Variants in ZNF488 observed in about 807,000 individuals in gnomAD.
The protein encoded by ZNF488 is zinc finger protein 488.
A neutral mutation model predicts 1.2 loss-of-function variants in ZNF488; 1 was observed. That is an observed-to-expected ratio of 0.86 (90% confidence interval 0.30 to 4.07). ZNF488 has a LOEUF of 4.07. Among genes scored for constraint, ZNF488 ranks in the 30% most tolerant of loss-of-function variants. The pLI is 0.18. For synonymous variants in ZNF488, 185 were observed against 190.1 expected (o/e 0.97, Z 0.22); for missense variants, 450 against 437.9 (o/e 1.03, Z -0.25).
chr10:47,383,646 C>G (rs1306633561), intron 1 of ZNF488, among the ~76,000 whole-genome samples: 1 of 152,078 alleles, frequency 6.6e-6, no homozygotes, highest in Non-Finnish European at 1.5e-5. Flanking sequence ...GTTTTGTTTC[C>G]CAGGAAAGGC....
In ZNF488 at chr10:47,377,671, T is replaced by TCTCACA. The variant is rs1555214622; in HGVS notation, c.-109+6548_-109+6549insTGTGAG. ...CACCCAGAGGAGCCAGCAATAACAATCACACACACACACACACACACACAC... is the reference window on the plus strand; with the variant it reads ...CACCCAGAGGAGCCAGCAATAACAATCTCACACACACACACACACACACACACACAC... On this transcript the variant is annotated intron_variant, in intron 1 of 1. Transcript: ENST00000585316. Among the ~76,000 whole-genome samples, 196 of 105,032 alleles carry TCTCACA rather than the reference T, an allele frequency of 1.9e-3. 5 individuals are homozygous for TCTCACA. The highest frequency in any genetic ancestry group is 1.2e-3 in the Non-Finnish European group (57 of 49,322). The allele number at this position is 105,032 out of a possible 152,430, so 68.9% of individuals were successfully genotyped here.
chr10:47,367,778 C>T lies in ZNF488; in HGVS notation c.*29G>A, dbSNP rs782135301. The T allele has an allele frequency of 9.5e-6, 15 of 1,582,670 alleles. No homozygotes were observed. The highest frequency in any genetic ancestry group is 1.7e-4 in the Middle Eastern group (1 of 5,898). ...CCCCTCTGCCAAAGGCTGGCTGCTG[C>T]ACCCAGCAGGTCATTCTGCGGTCAC... On this transcript the variant is annotated 3_prime_UTR_variant, in exon 2 of 2. Coordinates refer to ENST00000585316, the MANE Select transcript of ZNF488 (RefSeq NM_153034.4).
In ZNF488 at chr10:47,373,847, C is replaced by T. The variant is rs151238818; in HGVS notation, c.-108-4910G>A. On this transcript the variant is annotated intron_variant, in intron 1 of 1. Transcript: ENST00000585316. The stretch of plus-strand genomic sequence containing the variant: ...AACTGAATAAACGCAGGCAGCATGG[C>T]GAGGAAGGACGGCCCAGCAGGCCTT... Among the ~76,000 whole-genome samples, 534 of 152,292 alleles carry T rather than the reference C, an allele frequency of 3.5e-3. 4 individuals carry two copies. Among genetic ancestry groups the T allele is most frequent in the African/African-American group, 0.012 (505 of 41,546 alleles).
chr10:47,373,485 T>G (rs976003884), intron 1 of ZNF488, among the ~76,000 whole-genome samples: 11 of 152,210 alleles, frequency 7.2e-5, no homozygotes, highest in African/African-American at 2.7e-4. Context: ...AGTTGTGTAA[T>G]GCAACTTCTC....
intron 1 of ZNF488, among the ~76,000 whole-genome samples, chr10:47,378,559 C>T (rs1837784292): frequency 6.6e-6 from 1 of 152,178 alleles, no homozygotes; most frequent in African/African-American, 2.4e-5. Context: ...ATAGCCTGGG[C>T]CAAATCAGCT....
chr10:47,367,676 C>T lies in ZNF488; in HGVS notation c.*131G>A. The T allele has an allele frequency of 9.9e-7, 1 of 1,006,722 alleles. No homozygotes were observed. The highest frequency in any genetic ancestry group is 1.5e-6 in the Non-Finnish European group (1 of 686,428). The allele number at this position is 1,006,722 out of a possible 1,614,324, so 62.4% of individuals were successfully genotyped here. On this transcript the variant is annotated 3_prime_UTR_variant, in exon 2 of 2. Transcript: ENST00000585316. The stretch of plus-strand genomic sequence containing the variant: ...GTGGCTTTTTCAAATTATGCCTGAG[C>T]TGTTTATCTATGAATGCCAAAAGCA...
intron 1 of ZNF488, among the ~76,000 whole-genome samples, chr10:47,382,392 C>A (rs1257110318): frequency 7.9e-6 from 1 of 127,364 alleles, no homozygotes; most frequent in African/African-American, 3.0e-5. Flanking sequence ...GAGGCACAGA[C>A]CACTAATGAG....
chr10:47,369,072 C>T (rs1317179843), intron 1 of ZNF488, 135 bp from the exon 2 acceptor site: 8 of 526,460 alleles, frequency 1.5e-5, no homozygotes, highest in Non-Finnish European at 2.3e-5. Context: ...GCTGACTGCA[C>T]CACCTCTCAG....
At chr10:47,377,166 A>G (rs898170931) in intron 1 of ZNF488, among the ~76,000 whole-genome samples, 5 of 152,154 alleles carry the variant, frequency 3.3e-5, no homozygotes, top group African/African-American at 1.2e-4. Context: ...AGGTTTTTAA[A>G]CCAGCTGACA....
intron 1 of ZNF488, among the ~76,000 whole-genome samples, chr10:47,374,887 C>A (rs868992303): frequency 6.6e-6 from 1 of 152,332 alleles, no homozygotes. Flanking sequence ...GTGTCAAAGG[C>A]CTGCACCCTG....
At chr10:47,382,926 G>A (rs1838033266) in intron 1 of ZNF488, among the ~76,000 whole-genome samples, 1 of 151,844 alleles carries the variant, frequency 6.6e-6, no homozygotes, top group Admixed American at 6.6e-5. Flanking sequence ...AACAAACAAG[G>A]GCTCTTTTAT....
At position 47,370,962 on chromosome 10, in the gene ZNF488, G is replaced by A. The variant is rs147971094; in HGVS notation, c.-108-2025C>T. On this transcript the variant is annotated intron_variant, in intron 1 of 1. Transcript: ENST00000585316. ...GCAGCATGCGGGCCCTGTGCGAGGC[G>A]CGGTAGTGACAGTGGTGATGAGGCA... 1.9e-4 allele frequency among the ~76,000 whole-genome samples: 29 copies of A among 152,322 alleles called. 1 individual carries two copies. Among genetic ancestry groups the A allele is most frequent in the East Asian group, 3.9e-4 (2 of 5,186 alleles).
chr10:47,367,061 G>A lies in ZNF488; in HGVS notation c.*746C>T, dbSNP rs1298464060. On this transcript the variant is annotated 3_prime_UTR_variant, in exon 2 of 2. Transcript: ENST00000585316. Reference sequence around the variant, plus strand: ...CAATGTGACCCAAGCAGAGGCTTGAGGTGTGCTTGTTAGACTCACCCTCCT... The same window carrying A: ...CAATGTGACCCAAGCAGAGGCTTGAAGTGTGCTTGTTAGACTCACCCTCCT... 2 of 167,042 alleles carry A rather than the reference G, an allele frequency of 1.2e-5. No homozygotes were observed. The highest frequency in any genetic ancestry group is 2.9e-5 in the Non-Finnish European group (2 of 68,166). The allele number at this position is 167,042 out of a possible 1,614,324, so 10.3% of individuals were successfully genotyped here. A position where few individuals can be genotyped will look rare whatever the true frequency, so the allele number is the denominator to read the frequency against.
chr10:47,371,406 AC>A (rs1555213844), intron 1 of ZNF488, among the ~76,000 whole-genome samples: 1 of 152,210 alleles, frequency 6.6e-6, no homozygotes, highest in Non-Finnish European at 1.5e-5. Flanking sequence ...AAGAAAACAT[AC>A]CAAAGCAATA....
intron 1 of ZNF488, among the ~76,000 whole-genome samples, chr10:47,377,321 G>C (rs1226914621): frequency 1.3e-5 from 2 of 152,144 alleles, no homozygotes; most frequent in Middle Eastern, 3.2e-3. Flanking sequence ...TCTCTGAATA[G>C]CTCAATCCCG....
In ZNF488 at chr10:47,366,661, T is replaced by C. The variant is rs190250158; in HGVS notation, c.*1146A>G. On this transcript the variant is annotated 3_prime_UTR_variant, in exon 2 of 2. Coordinates refer to ENST00000585316, the MANE Select transcript of ZNF488 (RefSeq NM_153034.4). ...AGTACAGCCTGGGCTCCACACATCCTTAGGAACAAGGGCTGATGCGGGTAC... is the reference window on the plus strand; with the variant it reads ...AGTACAGCCTGGGCTCCACACATCCCTAGGAACAAGGGCTGATGCGGGTAC... 1.2e-5 allele frequency: 2 copies of C among 167,178 alleles called. No homozygotes were observed. The highest frequency in any genetic ancestry group is 4.8e-5 in the African/African-American group (2 of 41,558). The allele number at this position is 167,178 out of a possible 1,614,324, so 10.4% of individuals were successfully genotyped here.
chr10:47,368,354 T>C lies in ZNF488; in HGVS notation c.476A>G (p.Gln159Arg). Residue 159 changes from glutamine to arginine, a missense_variant, in exon 2 of 2, where the codon CAA (glutamine) becomes CGA (arginine). Transcript: ENST00000585316. Reference sequence around the variant, plus strand: ...GGTTGGTTTGCTAAAGGCGCTTCTTTGCTCACTTCGTGCTCCGCTGGGCCA... The same window carrying C: ...GGTTGGTTTGCTAAAGGCGCTTCTTCGCTCACTTCGTGCTCCGCTGGGCCA... ...SVWPSGARSEQRSAFSKPTKR... is the reference protein window; with the variant it reads ...SVWPSGARSERRSAFSKPTKR... 6.2e-7 allele frequency: 1 copy of C among 1,614,202 alleles called. No homozygotes were observed. The highest frequency in any genetic ancestry group is 8.5e-7 in the Non-Finnish European group (1 of 1,180,042).
At chr10:47,383,369 G>A (rs1186380383) in intron 1 of ZNF488, among the ~76,000 whole-genome samples, 1 of 152,094 alleles carries the variant, frequency 6.6e-6, no homozygotes, top group Non-Finnish European at 1.5e-5. Flanking sequence ...CAAAGCCCTG[G>A]CCTCCCACTG....
intron 1 of ZNF488, among the ~76,000 whole-genome samples, chr10:47,379,050 C>T (rs1837803306): frequency 6.6e-6 from 1 of 152,226 alleles, no homozygotes; most frequent in Non-Finnish European, 1.5e-5. Flanking sequence ...GCTGTCTCTC[C>T]AGGCCATCCC....
Sources: allele counts gnomAD v4.1 joint callset (sites outside exome capture counted in the v4.1 genomes callset), GRCh38; gene constraint gnomAD v4.1.1; transcripts MANE v1.5; gene names NCBI Gene and HGNC (gene_info 2026-07-23, HGNC 2026-07-21).